Variants in NR3C1 observed in about 807,000 individuals in gnomAD.
NR3C1 encodes glucocorticoid receptor.
A neutral mutation model predicts 74.0 loss-of-function variants in NR3C1; 14 were observed. That is an observed-to-expected ratio of 0.19 (90% CI 0.12 to 0.30). The LOEUF (loss-of-function observed/expected upper bound fraction) is 0.30, where lower values mean the gene tolerates loss of function less well. NR3C1 is among the 10% of genes least tolerant of loss of function. The pLI is 1.00. For missense variants in NR3C1, 695 were observed against 909.8 expected, an observed-to-expected ratio of 0.76 and a Z score of 3.04; for synonymous variants, 308 against 332.5, an observed-to-expected ratio of 0.93 and a Z score of 0.80.
At position 143,348,859 on chromosome 5, in the gene NR3C1, G is replaced by A. The variant is rs150685146; in HGVS notation, c.1185-34691C>T. Among the ~76,000 whole-genome samples, 156 of 152,200 alleles carry A rather than the reference G, an allele frequency of 1.0e-3. 3 individuals are homozygous for A. In the East Asian group the frequency reaches 0.022, roughly 22 times the overall value. On this transcript the variant is annotated intron_variant, in intron 2 of 8. Transcript: ENST00000394464. ...AACTTAAAATTTTCCCATAAATATA[G>A]AAAGAGAATAGGTCTTACTGTATTT...
intron 3 of NR3C1, 126 bp downstream of exon 3, chr5:143,313,876 C>T (rs1821494134): frequency 1.1e-6 from 1 of 939,640 alleles, no homozygotes; most frequent in Non-Finnish European, 1.7e-6. Flanking sequence ...TAGGAGCCAC[C>T]CTCCTCTCCC....
chr5:143,336,314 T>C (rs1384415622), intron 2 of NR3C1, among the ~76,000 whole-genome samples: 1 of 152,202 alleles, frequency 6.6e-6, no homozygotes, highest in Non-Finnish European at 1.5e-5. Flanking sequence ...ATTTAACACA[T>C]GCTTTTATTT....
chr5:143,397,061 T>C (rs1839354633), intron 2 of NR3C1, among the ~76,000 whole-genome samples: 1 of 151,848 alleles, frequency 6.6e-6, no homozygotes, highest in Non-Finnish European at 1.5e-5. Context: ...TAGAAAATGC[T>C]TTACTAAGCT....
chr5:143,350,866 G>C (rs1830111207), intron 2 of NR3C1, among the ~76,000 whole-genome samples: 1 of 152,164 alleles, frequency 6.6e-6, no homozygotes, highest in Non-Finnish European at 1.5e-5. Flanking sequence ...ACAGGATCCT[G>C]GTGTCTAGCA....
chr5:143,374,156 A>G (rs1600377191), intron 2 of NR3C1, among the ~76,000 whole-genome samples: 1 of 152,150 alleles, frequency 6.6e-6, no homozygotes, highest in Non-Finnish European at 1.5e-5. Context: ...TGGCTTGGGG[A>G]ATGTTTTACA....
chr5:143,292,468 G>A (rs2918421), intron 7 of NR3C1, among the ~76,000 whole-genome samples: 2,796 of 152,218 alleles, frequency 0.018, 92 homozygotes, highest in African/African-American at 0.064. Context: ...ATAAGGGCCT[G>A]TTGAATTAGT....
chr5:143,397,649 C>T (rs1417215705), intron 2 of NR3C1, among the ~76,000 whole-genome samples: 1 of 151,750 alleles, frequency 6.6e-6, no homozygotes, highest in Non-Finnish European at 1.5e-5. Flanking sequence ...TTATATTTCC[C>T]AATCACAGAT....
chr5:143,315,372 T>C (rs956184434), intron 2 of NR3C1, among the ~76,000 whole-genome samples: 1 of 152,122 alleles, frequency 6.6e-6, no homozygotes, highest in Admixed American at 6.5e-5. Flanking sequence ...GCCCATTCCA[T>C]TTTTGGTTGT....
chr5:143,348,741 T>C (rs775766321), intron 2 of NR3C1, among the ~76,000 whole-genome samples: 1 of 152,214 alleles, frequency 6.6e-6, no homozygotes, highest in Non-Finnish European at 1.5e-5. Flanking sequence ...ACATGATTTA[T>C]AGTGCTGTTA....
In NR3C1 at chr5:143,308,230, T is replaced by C. The variant is rs1383000150; in HGVS notation, c.1468+1867A>G. On this transcript the variant is annotated intron_variant, in intron 4 of 8. Transcript: ENST00000394464. ...AATACCAGCACTTTGGGAGGCCACG[T>C]TGGGAGGATCACTTAAGGCCAGGAG... is the stretch of plus-strand genomic sequence containing the variant. 1.1e-4 allele frequency among the ~76,000 whole-genome samples: 16 copies of C among 152,060 alleles called. 1 individual carries two copies. The highest frequency in any genetic ancestry group is 9.8e-4 in the Admixed American group (15 of 15,270).
intron 1 of NR3C1, among the ~76,000 whole-genome samples, chr5:143,412,954 T>C (rs1407255739): frequency 1.3e-5 from 2 of 152,200 alleles, no homozygotes; most frequent in Non-Finnish European, 1.5e-5. Context: ...TGTTTATTAA[T>C]AGAAGAGACT....
chr5:143,403,089 C>CCCCACT, intron 1 of NR3C1, 122 bp downstream of exon 1: 1 of 796,822 alleles, frequency 1.3e-6, no homozygotes, highest in Non-Finnish European at 1.5e-6. Flanking sequence ...AGCCCCCCAC[C>CCCCACT]CCCACTCCCC....
At chr5:143,384,537 T>C (rs947308687) in intron 2 of NR3C1, among the ~76,000 whole-genome samples, 1 of 152,180 alleles carries the variant, frequency 6.6e-6, no homozygotes, top group Non-Finnish European at 1.5e-5. Context: ...AATTCCCCCA[T>C]TCCAAACTAG....
chr5:143,346,183 A>T (rs1389507590), intron 2 of NR3C1, among the ~76,000 whole-genome samples: 1 of 152,250 alleles, frequency 6.6e-6, no homozygotes, highest in Non-Finnish European at 1.5e-5. Context: ...AGCAATTGAG[A>T]TGATATCTAC....
exon 1 of NR3C1, chr5:143,435,041 G>C: frequency 1.0e-6 from 1 of 985,300 alleles, no homozygotes; most frequent in Non-Finnish European, 1.2e-6. Flanking sequence ...TGATTCAGCA[G>C]ATATTCCCCC....
chr5:143,306,792 C>T (rs932882366), intron 4 of NR3C1, among the ~76,000 whole-genome samples: 4 of 149,832 alleles, frequency 2.7e-5, no homozygotes, highest in Middle Eastern at 7.1e-3. Context: ...TAACTGGATA[C>T]GTTATACTGA....
At position 143,341,325 on chromosome 5, in the gene NR3C1, T is replaced by A. The variant is rs557873001; in HGVS notation, c.1185-27157A>T. 2.0e-3 allele frequency among the ~76,000 whole-genome samples: 311 copies of A among 152,336 alleles called. 3 individuals are homozygous for A. In the South Asian group the frequency reaches 0.023, roughly 11 times the overall value. On this transcript the variant is annotated intron_variant, in intron 2 of 8. Coordinates refer to ENST00000394464, the MANE Select transcript of NR3C1 (RefSeq NM_000176.3). ...TTATGAGGTTCTCATTTCAGTACTT[T>A]AAAAAATTAACGGTAAATGGCCCCA...
At chr5:143,370,876 A>T (rs1198528460) in intron 2 of NR3C1, among the ~76,000 whole-genome samples, 3 of 152,234 alleles carry the variant, frequency 2.0e-5, no homozygotes, top group African/African-American at 7.2e-5. Context: ...AGTGGTTGGA[A>T]GCTTCGCATC....
intron 4 of NR3C1, among the ~76,000 whole-genome samples, chr5:143,306,874 A>ATTTTTT (rs70991802): frequency 1.2e-4 from 10 of 82,900 alleles, no homozygotes; most frequent in African/African-American, 4.1e-4. Flanking sequence ...GTATGCTTAA[A>ATTTTTT]TTTTTTTTTT....
Sources: allele counts gnomAD v4.1 joint callset (sites outside exome capture counted in the v4.1 genomes callset), GRCh38; gene constraint gnomAD v4.1.1; transcripts MANE v1.5; gene names NCBI Gene and HGNC (gene_info 2026-07-23, HGNC 2026-07-21).